SOAT2: variants seen among roughly 807,000 people sequenced by gnomAD.
The protein encoded by SOAT2 is ACAT-2.
Under a neutral mutation model 76.0 loss-of-function variants are expected in SOAT2, and 87 were observed. The ratio of observed to expected loss-of-function variants is 1.14; its 90% CI spans 0.96 to 1.37. The LOEUF is 1.37. Ranked by LOEUF, SOAT2 falls within the 40% of genes most tolerant of loss-of-function variation. The pLI is 0.00. For synonymous variants in SOAT2, 285 were observed against 275.4 expected, an observed-to-expected ratio of 1.03 and a Z score of -0.34; for missense variants, 686 against 682.1, an observed-to-expected ratio of 1.01 and a Z score of -0.06.
At chr12:53,111,940 G>A (rs552798823) in intron 5 of SOAT2, among the ~76,000 whole-genome samples, 9 of 152,148 alleles carry the variant, frequency 5.9e-5, no homozygotes, top group African/African-American at 1.2e-4. Context: ...ACATAAATAC[G>A]CAGACGTATT....
At chr12:53,104,046 A>G (rs1592274096) in intron 1 of SOAT2, 105 bp from the exon 2 acceptor site, 1 of 947,530 alleles carries the variant, frequency 1.1e-6, no homozygotes. Context: ...GGTTGGGGTG[A>G]GGGCAGCTGC....
intron 5 of SOAT2, among the ~76,000 whole-genome samples, chr12:53,111,725 A>T (rs1218908040): frequency 2.6e-5 from 4 of 152,256 alleles, no homozygotes; most frequent in Non-Finnish European, 5.9e-5. Flanking sequence ...GGCAACTCTT[A>T]AGACATTTCT....
chr12:53,109,445 A>C (rs567403592), intron 5 of SOAT2, among the ~76,000 whole-genome samples: 1 of 152,128 alleles, frequency 6.6e-6, no homozygotes, highest in Non-Finnish European at 1.5e-5. Context: ...CCTTTATATT[A>C]GTGTACTATT....
rs760358551 is a variant in SOAT2, at chr12:53,124,227, C to T, written c.*104C>T. ...TGCATTCCCAAATTTGGCTCTGAGT[C>T]GAGGCAACCTGCACACAAGACCCCA... is the stretch of plus-strand genomic sequence containing the variant. On this transcript the variant is annotated 3_prime_UTR_variant, in exon 15 of 15. Coordinates refer to ENST00000301466, the MANE Select transcript of SOAT2 (RefSeq NM_003578.4). 248 of 1,144,090 alleles carry T rather than the reference C, an allele frequency of 2.2e-4. 2 individuals are homozygous for T. Among genetic ancestry groups the T allele is most frequent in the South Asian group, 1.4e-3 (109 of 79,650 alleles). 70.9% of individuals were successfully genotyped at this position (1,144,090 alleles called of 1,614,324 possible).
At chr12:53,116,679 C>T (rs369039248) in intron 7 of SOAT2, among the ~76,000 whole-genome samples, 3 of 152,130 alleles carry the variant, frequency 2.0e-5, no homozygotes, top group East Asian at 3.9e-4. Flanking sequence ...GCCTGAGCAA[C>T]GTAGTGAGAT....
chr12:53,105,084 T>C, intron 2 of SOAT2, 23 bp from the exon 3 acceptor site: 1 of 1,552,004 alleles, frequency 6.4e-7, no homozygotes, highest in Non-Finnish European at 8.7e-7. Flanking sequence ...GACAGTGGGC[T>C]CTACCCTGGC....
At chr12:53,123,979 G>T in intron 14 of SOAT2, 94 bp from the exon 15 acceptor site, 1 of 1,604,276 alleles carries the variant, frequency 6.2e-7, no homozygotes, top group Non-Finnish European at 8.5e-7. Flanking sequence ...AGGCACCAGG[G>T]CCTGGCTTGG....
At chr12:53,118,262 A>G in intron 7 of SOAT2, 88 bp from the exon 8 acceptor site, 1 of 407,422 alleles carries the variant, frequency 2.5e-6, no homozygotes, top group Non-Finnish European at 4.4e-6. Flanking sequence ...TTCTCCACTC[A>G]CCAATCCCAC....
At chr12:53,109,605 C>T (rs1175344229) in intron 5 of SOAT2, among the ~76,000 whole-genome samples, 2 of 152,092 alleles carry the variant, frequency 1.3e-5, no homozygotes, top group African/African-American at 4.8e-5. Context: ...CCTCAGCCTC[C>T]CAAGTAATTG....
chr12:53,105,877 A>C, intron 4 of SOAT2, 30 bp from the exon 5 acceptor site: 7 of 1,307,582 alleles, frequency 5.4e-6, no homozygotes, highest in Non-Finnish European at 7.0e-6. Context: ...GGACCCTCCC[A>C]CACTGACTTT....
Position 53,121,951 on chromosome 12 carries a change from G to A in SOAT2, c.1236+550G>A, listed in dbSNP as rs112915085. On this transcript the variant is annotated intron_variant, in intron 12 of 14. Transcript: ENST00000301466. ...GCCTTTTGAGTAGCTGGGACTACAC[G>A]CAAATGCCACCATGCTCAGCTAATT... 5.7e-3 allele frequency among the ~76,000 whole-genome samples: 862 copies of A among 151,538 alleles called. 4 individuals are homozygous for A. Among genetic ancestry groups the A allele is most frequent in the African/African-American group, 0.013 (539 of 41,338 alleles).
At chr12:53,103,735 GCT>G (rs1937878448) in intron 1 of SOAT2, 76 bp downstream of exon 1, 5 of 1,139,878 alleles carry the variant, frequency 4.4e-6, no homozygotes, top group Middle Eastern at 2.6e-4. Flanking sequence ...TGGAGAGAAG[GCT>G]CCAACTGCCT....
intron 10 of SOAT2, 113 bp from the exon 11 acceptor site, chr12:53,120,673 G>T: frequency 1.4e-6 from 1 of 701,134 alleles, no homozygotes; most frequent in Admixed American, 2.4e-5. Context: ...TAAATGAATG[G>T]TAAGAGTTGG....
chr12:53,105,430 G>A (rs951681594), intron 3 of SOAT2, 131 bp from the exon 4 acceptor site: 71 of 1,196,048 alleles, frequency 5.9e-5, no homozygotes, highest in Middle Eastern at 2.7e-4. Context: ...CCTTCTACCC[G>A]GTCCTGCCCT....
chr12:53,122,789 C>A (rs958006122), intron 12 of SOAT2, among the ~76,000 whole-genome samples: 3 of 152,356 alleles, frequency 2.0e-5, no homozygotes, highest in East Asian at 1.9e-4. Flanking sequence ...ACCTTTCCCC[C>A]CTTTCTATTC....
chr12:53,105,445 C>G (rs1294360819), intron 3 of SOAT2, 116 bp from the exon 4 acceptor site: 1 of 1,250,396 alleles, frequency 8.0e-7, no homozygotes, highest in Non-Finnish European at 1.1e-6. Context: ...TGCCCTCTGG[C>G]CCTAGCCCTG....
chr12:53,107,622 C>CTTTTATTTTTTTTTTTTTT (rs1937954373), intron 5 of SOAT2, among the ~76,000 whole-genome samples: 1 of 117,036 alleles, frequency 8.5e-6, no homozygotes, highest in African/African-American at 3.7e-5. Flanking sequence ...AACAGATGTA[C>CTTTTATTTTTTTTTTTTTT]TTTTTTTTTT....
At chr12:53,113,620 G>A (rs1938057583) in intron 5 of SOAT2, among the ~76,000 whole-genome samples, 1 of 152,226 alleles carries the variant, frequency 6.6e-6, no homozygotes, top group African/African-American at 2.4e-5. Context: ...GGGAGGAAGA[G>A]AGTTTTTATT....
chr12:53,120,897 C>A lies in SOAT2; in HGVS notation c.1137+14C>A. 2 of 1,604,832 alleles carry A rather than the reference C, an allele frequency of 1.2e-6. No individual in the cohort carries two copies. Among genetic ancestry groups the A allele is most frequent in the Non-Finnish European group, 1.7e-6 (2 of 1,171,606 alleles). ...ATGTTCTACCGGGTGGGGCCTGGAC[C>A]TAGGCCAGTTGGAAGCTGGAGATAG... On this transcript the variant is annotated intron_variant, in intron 11 of 14. Coordinates refer to ENST00000301466, the MANE Select transcript of SOAT2 (RefSeq NM_003578.4).
Sources: gnomAD v4.1 joint callset for allele counts (sites outside exome capture counted in the v4.1 genomes callset) on GRCh38, gnomAD v4.1.1 for gene constraint, MANE v1.5 for transcripts, NCBI Gene and HGNC (gene_info 2026-07-23, HGNC 2026-07-21) for gene names.